The following ADAMTS3 variants were observed in gnomAD, a reference collection of about 807,000 sequenced individuals.
ADAMTS3 encodes the protein A disintegrin and metalloproteinase with thrombospondin motifs 3.
Under a neutral mutation model 129.0 loss-of-function variants are expected in ADAMTS3, and 73 were observed. The observed-to-expected ratio is 0.57, with a 90% CI of 0.47 to 0.69. ADAMTS3 has a LOEUF of 0.69. Ranked by LOEUF, ADAMTS3 falls within the 30% of genes least tolerant of loss-of-function variation. The pLI, the probability that ADAMTS3 is intolerant of heterozygous loss-of-function variation, is 0.00. For missense variants in ADAMTS3, 1,457 were observed against 1,514.5 expected, an observed-to-expected ratio of 0.96 and a Z score of 0.63; for synonymous variants, 477 against 510.8, an observed-to-expected ratio of 0.93 and a Z score of 0.89.
rs575095972 is a variant in ADAMTS3 at position 72,482,294 on chromosome 4, T to C, written c.504+66184A>G. 2.0e-5 allele frequency among the ~76,000 whole-genome samples: 3 copies of C among 152,068 alleles called. No homozygotes were observed. The South Asian group carries it at 6.2e-4, about 32-fold the overall frequency. On this transcript the variant is annotated intron_variant, in intron 3 of 21. Coordinates refer to ENST00000286657, the MANE Select transcript of ADAMTS3 (RefSeq NM_014243.3). ...GGACGAATTATTAAATAAAGTATGA[T>C]ACATCCATTCCTTGGAATAGTACAC...
In ADAMTS3 at chr4:72,541,495, T is replaced by A. The variant is rs1010797278; in HGVS notation, c.504+6983A>T. Among the ~76,000 whole-genome samples the A allele has an allele frequency of 2.0e-5, 3 of 152,226 alleles. No homozygotes were observed. The East Asian group carries it at 5.8e-4, about 29-fold the overall frequency. On this transcript the variant is annotated intron_variant, in intron 3 of 21. Coordinates refer to ENST00000286657, the MANE Select transcript of ADAMTS3 (RefSeq NM_014243.3). ...ACTGTTGGGAAGGCATGATTGGTTT[T>A]GAAATGTGAGGACATGAGATTTGGC...
chr4:72,309,931 A>T (rs570869154), intron 14 of ADAMTS3, among the ~76,000 whole-genome samples: 40 of 152,204 alleles, frequency 2.6e-4, no homozygotes, highest in Non-Finnish European at 5.1e-4. Flanking sequence ...GATGGTTATG[A>T]TGTGAGACAA....
chr4:72,568,572 G>T, intron 1 of ADAMTS3, 122 bp downstream of exon 1: 1 of 793,942 alleles, frequency 1.3e-6, no homozygotes, highest in Non-Finnish European at 2.0e-6. Flanking sequence ...GTTTCTGAAC[G>T]CAAAAGATAA....
rs1439902427 is a variant in ADAMTS3, at chr4:72,282,535, A to G, written c.*601T>C. 3 of 152,642 alleles carry G rather than the reference A, an allele frequency of 2.0e-5. No individual in the cohort carries two copies. Among genetic ancestry groups the G allele is most frequent in the Admixed American group, 1.3e-4 (2 of 15,276 alleles). 9.5% of individuals were successfully genotyped at this position (152,642 alleles called of 1,614,324 possible). A position where few individuals can be genotyped will look rare whatever the true frequency, so the allele number is the denominator to read the frequency against. Reference sequence around the variant, plus strand: ...AATACTCTGCTTTGAAAATTAACCTATAGAATGTCAAACAAGGCAATACTC... The same window carrying G: ...AATACTCTGCTTTGAAAATTAACCTGTAGAATGTCAAACAAGGCAATACTC... On this transcript the variant is annotated 3_prime_UTR_variant, in exon 22 of 22. Coordinates refer to ENST00000286657, the MANE Select transcript of ADAMTS3 (RefSeq NM_014243.3).
At chr4:72,397,424 G>A (rs755586867) in intron 4 of ADAMTS3, among the ~76,000 whole-genome samples, 1 of 151,936 alleles carries the variant, frequency 6.6e-6, no homozygotes, top group Non-Finnish European at 1.5e-5. Flanking sequence ...AATTAGCCAG[G>A]TGCCGTGGCG....
In ADAMTS3 at chr4:72,309,532, A is replaced by C; in HGVS notation, c.2056-12T>G. The C allele has an allele frequency of 2.5e-6, 4 of 1,610,528 alleles. No individual in the cohort carries two copies. The highest frequency in any genetic ancestry group is 3.4e-6 in the Non-Finnish European group (4 of 1,177,522). ...TCACAGCCCACTTTCTGGAGAGAGA[A>C]GATGTCAAATGTGGCTAATTTTAGT... On this transcript the variant is annotated splice_polypyrimidine_tract_variant and intron_variant, in intron 14 of 21. Transcript: ENST00000286657.
Position 72,457,334 on chromosome 4 carries a change from T to G in ADAMTS3, c.505-42363A>C, listed in dbSNP as rs1252895522. 4.0e-5 allele frequency among the ~76,000 whole-genome samples: 6 copies of G among 151,690 alleles called. No individual in the cohort carries two copies. The Admixed American group carries it at 4.0e-4, about 10-fold the overall frequency. Reference sequence around the variant, plus strand: ...TAAATGACAGTAATAGCACTTTAATTGACTTGTAGTATAAGGGAATAAAAT... The same window carrying G: ...TAAATGACAGTAATAGCACTTTAATGGACTTGTAGTATAAGGGAATAAAAT... On this transcript the variant is annotated intron_variant, in intron 3 of 21. Coordinates refer to ENST00000286657, the MANE Select transcript of ADAMTS3 (RefSeq NM_014243.3).
chr4:72,281,099 A>T lies in ADAMTS3; in HGVS notation c.*2037T>A, dbSNP rs909889424. The T allele has an allele frequency of 7.9e-5, 12 of 152,620 alleles. No individual in the cohort carries two copies. Among genetic ancestry groups the T allele is most frequent in the African/African-American group, 2.9e-4 (12 of 41,450 alleles). 9.5% of individuals were successfully genotyped at this position (152,620 alleles called of 1,614,324 possible). ...CCCAAAGGTCAGAAGTATAATGAAT[A>T]TGTACATCTTTATGGAAACTGTTTG... On this transcript the variant is annotated 3_prime_UTR_variant, in exon 22 of 22. Transcript: ENST00000286657.
chr4:72,326,300 A>G (rs1407543458), intron 5 of ADAMTS3, among the ~76,000 whole-genome samples: 15 of 152,192 alleles, frequency 9.9e-5, no homozygotes, highest in Non-Finnish European at 1.5e-5. Flanking sequence ...TATTATTTTG[A>G]TTTTCAAGGC....
chr4:72,469,594 C>T (rs972643256), intron 3 of ADAMTS3, among the ~76,000 whole-genome samples: 2 of 152,076 alleles, frequency 1.3e-5, no homozygotes, highest in Non-Finnish European at 2.9e-5. Flanking sequence ...GTCTTTCAGG[C>T]CTGCTCCTTC....
chr4:72,363,222 G>A (rs746329248), intron 4 of ADAMTS3, among the ~76,000 whole-genome samples: 1 of 152,080 alleles, frequency 6.6e-6, no homozygotes, highest in South Asian at 2.1e-4. Context: ...TACCGCTGAT[G>A]ATCCCCTACA....
At chr4:72,395,010 C>T (rs1473929789) in intron 4 of ADAMTS3, among the ~76,000 whole-genome samples, 2 of 151,960 alleles carry the variant, frequency 1.3e-5, no homozygotes. Context: ...CTGCAACCTC[C>T]GCCTCCTGGG....
chr4:72,551,937 C>A (rs1288750886), intron 2 of ADAMTS3, among the ~76,000 whole-genome samples: 1 of 152,114 alleles, frequency 6.6e-6, no homozygotes, highest in African/African-American at 2.4e-5. Context: ...TGCAGCCAGT[C>A]AACCAATTTT....
chr4:72,423,725 G>A (rs893003611), intron 3 of ADAMTS3, among the ~76,000 whole-genome samples: 2 of 152,084 alleles, frequency 1.3e-5, no homozygotes, highest in Admixed American at 1.3e-4. Context: ...TTCTGCAAAG[G>A]AAGGATTGAG....
chr4:72,417,765 C>A (rs947376656), intron 3 of ADAMTS3, among the ~76,000 whole-genome samples: 1 of 151,288 alleles, frequency 6.6e-6, no homozygotes, highest in African/African-American at 2.4e-5. Context: ...CCTGTCTCTA[C>A]TAAAAATACA....
At chr4:72,390,685 G>A (rs544953280) in intron 4 of ADAMTS3, among the ~76,000 whole-genome samples, 1 of 152,202 alleles carries the variant, frequency 6.6e-6, no homozygotes, top group East Asian at 1.9e-4. Flanking sequence ...TGAATTAAGA[G>A]AAGGCTTCAG....
At chr4:72,408,888 G>A (rs537405863) in intron 4 of ADAMTS3, among the ~76,000 whole-genome samples, 1 of 151,976 alleles carries the variant, frequency 6.6e-6, no homozygotes, top group African/African-American at 2.4e-5. Context: ...GACACAGGGA[G>A]GAGAACATCA....
In ADAMTS3 at chr4:72,413,288, C is replaced by T. The variant is rs538775759; in HGVS notation, c.661+1527G>A. 3.9e-5 allele frequency among the ~76,000 whole-genome samples: 6 copies of T among 151,956 alleles called. No individual in the cohort carries two copies. The East Asian group carries it at 5.8e-4, about 15-fold the overall frequency. ...TCCTATACAATTCCATAGCATGTGG[C>T]CTATGCGTTCCTAAAAAATATTTAA... is the stretch of plus-strand genomic sequence containing the variant. On this transcript the variant is annotated intron_variant, in intron 4 of 21. Transcript: ENST00000286657.
At chr4:72,447,832 G>A (rs1192064570) in intron 3 of ADAMTS3, among the ~76,000 whole-genome samples, 9 of 151,658 alleles carry the variant, frequency 5.9e-5, no homozygotes, top group Non-Finnish European at 1.2e-4. Flanking sequence ...AAAATAGAAA[G>A]CCACCCCATG....
Sources: allele counts gnomAD v4.1 joint callset (sites outside exome capture counted in the v4.1 genomes callset), GRCh38; gene constraint gnomAD v4.1.1; transcripts MANE v1.5; gene names NCBI Gene and HGNC (gene_info 2026-07-23, HGNC 2026-07-21).